MRTFA: variants seen among roughly 807,000 people sequenced by gnomAD.
The protein encoded by MRTFA is myocardin-related transcription factor A.
MRTFA carries 20 observed loss-of-function variants against 83.5 expected under a neutral mutation model. The ratio of observed to expected loss-of-function variants is 0.24; its 90% CI spans 0.17 to 0.35. The LOEUF (loss-of-function observed/expected upper bound fraction) is 0.35. MRTFA is among the 10% of genes least tolerant of loss of function. MRTFA has a pLI of 1.00. For missense variants in MRTFA, 1,200 were observed against 1,224.7 expected (o/e 0.98, Z 0.30); for synonymous variants, 659 against 541.2 (o/e 1.22, Z -3.02).
intron 3 of MRTFA, among the ~76,000 whole-genome samples, chr22:40,504,227 C>G (rs993187262): frequency 3.3e-5 from 5 of 152,102 alleles, no homozygotes; most frequent in African/African-American, 9.7e-5. Flanking sequence ...GACTCAAGTT[C>G]TTGTAGCTGG....
intron 3 of MRTFA, among the ~76,000 whole-genome samples, chr22:40,523,205 T>C (rs1345850073): frequency 6.6e-6 from 1 of 152,204 alleles, no homozygotes; most frequent in Non-Finnish European, 1.5e-5. Context: ...TCTTTTTTGT[T>C]TCCTGTTTTA....
chr22:40,635,701 C>G (rs748414508), intron 1 of MRTFA, among the ~76,000 whole-genome samples: 4 of 152,178 alleles, frequency 2.6e-5, no homozygotes, highest in Non-Finnish European at 5.9e-5. Flanking sequence ...ATTTCTTGGG[C>G]CCTTACTATG....
At position 40,421,048 on chromosome 22, in the gene MRTFA, T is replaced by C. The variant is rs750770542; in HGVS notation, c.980A>G (p.Lys327Arg). Residue 327 changes from lysine to arginine, a missense_variant, in exon 10 of 15, where the codon AAG (lysine) becomes AGG (arginine). Lys to Arg is a conservative substitution (Grantham distance 26). Around this residue, in one of 2 missense-constraint regions of MRTFA, gnomAD observed 1,107 missense variants for 1,041.8 expected, o/e 1.06. Coordinates refer to ENST00000355630, the MANE Select transcript of MRTFA (RefSeq NM_020831.6). The stretch of plus-strand genomic sequence containing the variant: ...CTTCTTCACCTTTGGCTTCAGCTCC[T>C]TGGCCTTCTTGCTGCGCTGTGACTT... The C allele has an allele frequency of 3.8e-6, 6 of 1,564,910 alleles. No individual in the cohort carries two copies. In the African/African-American group the frequency reaches 6.8e-5, roughly 18 times the overall value.
intron 2 of MRTFA, among the ~76,000 whole-genome samples, chr22:40,559,471 G>C (rs1413066495): frequency 2.0e-5 from 3 of 152,080 alleles, no homozygotes; most frequent in African/African-American, 7.2e-5. Context: ...CCAAGCTAGA[G>C]TGCAATGGAA....
intron 1 of MRTFA, among the ~76,000 whole-genome samples, chr22:40,619,396 A>T (rs937182619): frequency 2.6e-5 from 4 of 152,162 alleles, no homozygotes; most frequent in Admixed American, 2.6e-4. Context: ...GTTATTGGAA[A>T]CTAACAGAAA....
At chr22:40,608,106 C>T (rs939177498) in intron 1 of MRTFA, among the ~76,000 whole-genome samples, 2 of 152,142 alleles carry the variant, frequency 1.3e-5, no homozygotes, top group African/African-American at 4.8e-5. Context: ...CTCACTGCAA[C>T]CTCCGCCTCC....
At chr22:40,436,515 A>G (rs1453438185) in intron 4 of MRTFA, among the ~76,000 whole-genome samples, 2 of 152,172 alleles carry the variant, frequency 1.3e-5, no homozygotes, top group Non-Finnish European at 2.9e-5. Context: ...GCTCAGCTCT[A>G]TTCTGGGGAT....
rs1295593014 is a variant in MRTFA, at chr22:40,410,665, T to A, written c.*725A>T. The A allele has an allele frequency of 8.6e-6, 2 of 233,298 alleles. No individual in the cohort carries two copies. Among genetic ancestry groups the A allele is most frequent in the African/African-American group, 4.4e-5 (2 of 45,292 alleles). The allele number at this position is 233,298 out of a possible 1,614,324, so 14.5% of individuals were successfully genotyped here. A position where few individuals can be genotyped will look rare whatever the true frequency, so the allele number is the denominator to read the frequency against. ...ATCACACGTGATGGGTGGGCCTGGG[T>A]AGCTGCATGCCAGACTGGGCACCAG... On this transcript the variant is annotated 3_prime_UTR_variant, in exon 15 of 15. Coordinates refer to ENST00000355630, the MANE Select transcript of MRTFA (RefSeq NM_020831.6).
chr22:40,506,105 G>A (rs1224415522), intron 3 of MRTFA, among the ~76,000 whole-genome samples: 3 of 152,032 alleles, frequency 2.0e-5, no homozygotes, highest in African/African-American at 7.2e-5. Flanking sequence ...ATGGTAGCGG[G>A]CGCCTATAGT....
chr22:40,440,048 A>G (rs1294956959), intron 4 of MRTFA: 1 of 151,474 alleles, frequency 6.6e-6, no homozygotes, highest in African/African-American at 2.4e-5. Context: ...ACTACTCGGG[A>G]GGCTGAGGCA....
rs531442911 is a variant in MRTFA, at chr22:40,498,416, C to A, written c.242-35130G>T. ...CCTCTCACCTCAGCCTCCCAAGTAG[C>A]GGGGACTAAGGTACAAGCTACCATG... On this transcript the variant is annotated intron_variant, in intron 3 of 14. Coordinates refer to ENST00000355630, the MANE Select transcript of MRTFA (RefSeq NM_020831.6). 2.8e-4 allele frequency among the ~76,000 whole-genome samples: 41 copies of A among 147,302 alleles called. 2 individuals carry two copies. In the South Asian group the frequency reaches 4.6e-3, roughly 16 times the overall value.
At chr22:40,580,784 T>G (rs1472699456) in intron 2 of MRTFA, among the ~76,000 whole-genome samples, 2 of 152,114 alleles carry the variant, frequency 1.3e-5, no homozygotes, top group Admixed American at 1.3e-4. Context: ...GATTGACTGA[T>G]GTGTTTGTTT....
chr22:40,594,019 T>G (rs1443782402), intron 2 of MRTFA, among the ~76,000 whole-genome samples: 1 of 152,256 alleles, frequency 6.6e-6, no homozygotes, highest in Non-Finnish European at 1.5e-5. Flanking sequence ...AACTGCCATC[T>G]ATAGCTCTTT....
At chr22:40,431,589 G>T in intron 5 of MRTFA, 109 bp from the exon 6 acceptor site, 1 of 1,029,048 alleles carries the variant, frequency 9.7e-7, no homozygotes, top group Non-Finnish European at 1.5e-6. Context: ...CACCTCTGCA[G>T]TTCCCACAAC....
At chr22:40,423,295 G>T (rs1275228174) in intron 9 of MRTFA, among the ~76,000 whole-genome samples, 1 of 152,216 alleles carries the variant, frequency 6.6e-6, no homozygotes, top group African/African-American at 2.4e-5. Context: ...CTTCATGGAT[G>T]AGAGCAGGAG....
intron 3 of MRTFA, among the ~76,000 whole-genome samples, chr22:40,529,380 G>A (rs150376889): frequency 5.2e-4 from 79 of 152,086 alleles, no homozygotes; most frequent in East Asian, 5.0e-3. Flanking sequence ...GCAGTGGTGC[G>A]ATCTCGGCTC....
At chr22:40,581,953 G>A (rs754694842) in intron 2 of MRTFA, among the ~76,000 whole-genome samples, 9 of 152,076 alleles carry the variant, frequency 5.9e-5, no homozygotes, top group African/African-American at 9.7e-5. Context: ...TCGCCCTTTC[G>A]AAGTATTCAA....
intron 3 of MRTFA, among the ~76,000 whole-genome samples, chr22:40,528,536 G>A (rs768834596): frequency 3.6e-4 from 55 of 151,960 alleles, no homozygotes; most frequent in Non-Finnish European, 6.8e-4. Context: ...TCAGGAATTC[G>A]AGACCAGCCT....
At chr22:40,594,789 T>C (rs1370426177) in intron 1 of MRTFA, 54 bp from the exon 2 acceptor site, 1 of 151,872 alleles carries the variant, frequency 6.6e-6, no homozygotes, top group Non-Finnish European at 1.5e-5. Context: ...GTTCTTCCCA[T>C]TCCTAAAAGG....
Sources: allele counts gnomAD v4.1 joint callset (sites outside exome capture counted in the v4.1 genomes callset), GRCh38; gene constraint gnomAD v4.1.1; regional missense constraint gnomAD v4.1.1; transcripts MANE v1.5; gene names NCBI Gene and HGNC (gene_info 2026-07-23, HGNC 2026-07-21).